Variants in ZFHX3 observed in about 807,000 individuals in gnomAD.
The protein encoded by ZFHX3 is zinc finger homeobox protein 3.
In ZFHX3, 42 loss-of-function variants were observed where a neutral mutation model predicts 279.1. The ratio of observed to expected loss-of-function variants is 0.15; its 90% CI spans 0.12 to 0.19. The LOEUF is 0.19. Ranked by LOEUF, ZFHX3 falls within the 10% of genes least tolerant of loss-of-function variation. ZFHX3 has a pLI of 1.00. For missense variants in ZFHX3, 4,981 were observed against 4,754.0 expected (o/e 1.05, Z -1.40); for synonymous variants, 2,293 against 1,957.8 (o/e 1.17, Z -4.52).
intron 1 of ZFHX3, among the ~76,000 whole-genome samples, chr16:73,703,133 A>G (rs796741967): frequency 3.3e-5 from 5 of 152,278 alleles, no homozygotes; most frequent in African/African-American, 1.2e-4. Flanking sequence ...ACATCAAACT[A>G]AACAGTAATG....
intron 2 of ZFHX3, among the ~76,000 whole-genome samples, chr16:73,531,714 C>CAAAAAAAA (rs34119200): frequency 1.2e-5 from 1 of 81,146 alleles, no homozygotes; most frequent in Non-Finnish European, 2.3e-5. Context: ...AACCCTGTCT[C>CAAAAAAAA]AAAAAAAAAA....
chr16:72,810,878 T>G (rs2036425662), intron 7 of ZFHX3, among the ~76,000 whole-genome samples: 1 of 152,112 alleles, frequency 6.6e-6, no homozygotes, highest in African/African-American at 2.4e-5. Context: ...AAAAAAATTT[T>G]TTTTTCTTTC....
chr16:73,409,431 C>G (rs940636466), intron 3 of ZFHX3, among the ~76,000 whole-genome samples: 2 of 152,160 alleles, frequency 1.3e-5, no homozygotes, highest in Admixed American at 1.3e-4. Flanking sequence ...TTTCATGCCC[C>G]AGTTATAACA....
intron 1 of ZFHX3, among the ~76,000 whole-genome samples, chr16:73,858,158 C>T (rs997947350): frequency 6.6e-6 from 1 of 151,908 alleles, no homozygotes; most frequent in African/African-American, 2.4e-5. Context: ...AAAGCCTTCT[C>T]CTGCACTGCA....
At chr16:73,595,975 C>CTTTTT (rs1244178582) in intron 2 of ZFHX3, among the ~76,000 whole-genome samples, 2 of 138,744 alleles carry the variant, frequency 1.4e-5, no homozygotes, top group African/African-American at 5.8e-5. Flanking sequence ...CCGACCATTA[C>CTTTTT]TTTTTTATTT....
At chr16:72,822,795 GTTTTTT>G (rs11365314) in intron 5 of ZFHX3, among the ~76,000 whole-genome samples, 13 of 90,436 alleles carry the variant, frequency 1.4e-4, no homozygotes, top group African/African-American at 4.7e-4. Context: ...TAGAAAGTGA[GTTTTTT>G]TTTTTTTTTT....
intron 4 of ZFHX3, among the ~76,000 whole-genome samples, chr16:73,276,753 T>C (rs1478164280): frequency 6.6e-6 from 1 of 152,222 alleles, no homozygotes; most frequent in Non-Finnish European, 1.5e-5. Flanking sequence ...TGCTTTCATA[T>C]TCTCACAAGG....
intron 4 of ZFHX3, among the ~76,000 whole-genome samples, chr16:73,296,119 T>C (rs2014904061): frequency 6.6e-6 from 1 of 151,992 alleles, no homozygotes; most frequent in Non-Finnish European, 1.5e-5. Flanking sequence ...TTTCAAACCA[T>C]CGTGTCCTGA....
chr16:73,850,972 C>T (rs1961579097), intron 1 of ZFHX3, among the ~76,000 whole-genome samples: 1 of 152,170 alleles, frequency 6.6e-6, no homozygotes, highest in African/African-American at 2.4e-5. Context: ...AAACATAAAA[C>T]TGTATGCCAC....
At chr16:73,105,929 A>ACCCCTCCCCCCCCC (rs1966298278) in intron 7 of ZFHX3, among the ~76,000 whole-genome samples, 1 of 110,844 alleles carries the variant, frequency 9.0e-6, no homozygotes, top group Non-Finnish European at 1.8e-5. Context: ...ATGTACACGG[A>ACCCCTCCCCCCCCC]CCCCCTCCCC....
chr16:73,646,957 G>A (rs186042248), intron 2 of ZFHX3, among the ~76,000 whole-genome samples: 23 of 151,234 alleles, frequency 1.5e-4, no homozygotes, highest in Admixed American at 1.3e-3. Context: ...GAGAATCTGA[G>A]AAACAGGAGA....
At chr16:73,357,889 C>A (rs145559320) in intron 3 of ZFHX3, among the ~76,000 whole-genome samples, 2 of 152,306 alleles carry the variant, frequency 1.3e-5, no homozygotes, top group South Asian at 4.1e-4. Flanking sequence ...TGTCTAATAT[C>A]CTTCAGGGAC....
chr16:73,842,639 G>C (rs1186998777), intron 1 of ZFHX3, among the ~76,000 whole-genome samples: 3 of 152,108 alleles, frequency 2.0e-5, no homozygotes, highest in Admixed American at 6.6e-5. Context: ...TGACAGCCAA[G>C]GCTCCATGCT....
intron 2 of ZFHX3, among the ~76,000 whole-genome samples, chr16:73,531,558 T>A (rs552930383): frequency 6.6e-6 from 1 of 151,298 alleles, no homozygotes; most frequent in South Asian, 2.1e-4. Flanking sequence ...CTATAAAAAT[T>A]TCAAAAGTTA....
chr16:73,789,056 C>A (rs1959746384), intron 1 of ZFHX3, among the ~76,000 whole-genome samples: 1 of 150,036 alleles, frequency 6.7e-6, no homozygotes, highest in Admixed American at 6.7e-5. Flanking sequence ...ATATAGATAT[C>A]TTATATATAT....
At chr16:73,382,559 G>T (rs764613552) in intron 3 of ZFHX3, among the ~76,000 whole-genome samples, 2 of 152,178 alleles carry the variant, frequency 1.3e-5, no homozygotes, top group Non-Finnish European at 2.9e-5. Context: ...GGAATGGATT[G>T]TGGGGGGGCA....
chr16:73,852,094 T>C (rs1006956279), intron 1 of ZFHX3, among the ~76,000 whole-genome samples: 1 of 152,208 alleles, frequency 6.6e-6, no homozygotes, highest in Non-Finnish European at 1.5e-5. Context: ...CTAAATACTT[T>C]CACATGTAAG....
intron 3 of ZFHX3, among the ~76,000 whole-genome samples, chr16:73,364,064 T>C (rs886795831): frequency 5.9e-5 from 9 of 151,954 alleles, no homozygotes; most frequent in Non-Finnish European, 1.2e-4. Context: ...TCCCAGCTAC[T>C]TGGGAGGCTG....
chr16:73,161,331 A>T (rs181302959), intron 5 of ZFHX3, among the ~76,000 whole-genome samples: 7 of 152,126 alleles, frequency 4.6e-5, no homozygotes, highest in Admixed American at 3.3e-4. Context: ...GTCGTCTCCA[A>T]CCACCTCGGA....
Sources: gnomAD v4.1 joint callset for allele counts (sites outside exome capture counted in the v4.1 genomes callset) on GRCh38, gnomAD v4.1.1 for gene constraint, MANE v1.5 for transcripts, NCBI Gene and HGNC (gene_info 2026-07-23, HGNC 2026-07-21) for gene names.